The following PDHX variants were observed in gnomAD, a reference collection of about 807,000 sequenced individuals.
The protein encoded by PDHX is pyruvate dehydrogenase protein X component, mitochondrial.
In PDHX, 33 loss-of-function variants were observed where a neutral mutation model predicts 55.3. The ratio of observed to expected loss-of-function variants is 0.60; its 90% CI spans 0.45 to 0.80. The LOEUF (loss-of-function observed/expected upper bound fraction) is 0.80, where lower values mean the gene tolerates loss of function less well. Among genes scored for constraint, PDHX ranks in the 30% least tolerant of loss-of-function variants. The probability of loss-of-function intolerance (pLI) is 0.00; values close to 1 mark genes in which losing one functional copy is unlikely to be tolerated. For missense variants in PDHX, 622 were observed against 619.9 expected (o/e 1.00, Z -0.04); for synonymous variants, 226 against 219.4 (o/e 1.03, Z -0.27).
intron 7 of PDHX, 89 bp downstream of exon 7, chr11:34,970,375 A>G: frequency 1.9e-6 from 2 of 1,071,928 alleles, no homozygotes; most frequent in Admixed American, 4.0e-5. Context: ...TAAAAGCTAC[A>G]TTGTGTAGCT....
intron 1 of PDHX, among the ~76,000 whole-genome samples, chr11:34,919,738 G>A (rs1255182669): frequency 1.3e-5 from 2 of 152,204 alleles, no homozygotes; most frequent in Admixed American, 1.3e-4. Context: ...TGAGAATGCA[G>A]AGACTATCTT....
chr11:34,954,027 G>T (rs542706657), intron 3 of PDHX, among the ~76,000 whole-genome samples: 5 of 152,168 alleles, frequency 3.3e-5, no homozygotes, highest in African/African-American at 9.6e-5. Flanking sequence ...AAAGTTCATT[G>T]TTCATATAAG....
At chr11:34,984,938 A>T in intron 9 of PDHX, 1 of 515,712 alleles carries the variant, frequency 1.9e-6, no homozygotes, top group Non-Finnish European at 3.4e-6. Context: ...AATATTCAAA[A>T]ATTAAGAGAT....
Position 34,951,261 on chromosome 11 carries a change from G to C in PDHX, c.342+3655G>C, listed in dbSNP as rs980180863. On this transcript the variant is annotated intron_variant, in intron 3 of 10. Coordinates refer to ENST00000227868, the MANE Select transcript of PDHX (RefSeq NM_003477.3). ...TTTTTAGTAGAGACGGGGTTTCACC[G>C]TGTTAGCCAGGATGGTCTCGATCTC... Among the ~76,000 whole-genome samples the C allele has an allele frequency of 1.5e-4, 23 of 151,776 alleles. No homozygotes were observed. The South Asian group carries it at 1.9e-3, about 12-fold the overall frequency.
chr11:34,974,783 C>T (rs1276540018), intron 7 of PDHX, among the ~76,000 whole-genome samples: 2 of 152,142 alleles, frequency 1.3e-5, no homozygotes, highest in African/African-American at 4.8e-5. Context: ...TGGCATATGC[C>T]TGTAGTCCCA....
chr11:34,916,326 G>A, upstream of PDHX: 1 of 1,606,172 alleles, frequency 6.2e-7, no homozygotes, highest in Non-Finnish European at 8.5e-7. Context: ...TCTCCGCACG[G>A]CTTTGCGCGC....
At chr11:34,993,881 A>G (rs1564936386) in intron 10 of PDHX, among the ~76,000 whole-genome samples, 1 of 152,224 alleles carries the variant, frequency 6.6e-6, no homozygotes, top group Non-Finnish European at 1.5e-5. Flanking sequence ...ATATGGTAGA[A>G]ACCATTGTGT....
chr11:34,970,272 A>G lies in PDHX; in HGVS notation c.950A>G (p.Gln317Arg). 1 of 1,613,660 alleles carries G rather than the reference A, an allele frequency of 6.2e-7. No homozygotes were observed. Among genetic ancestry groups the G allele is most frequent in the Non-Finnish European group, 8.5e-7 (1 of 1,179,600 alleles). The change falls in exon 7 of 11, where the codon CAA becomes CGA. Residue 317 changes from glutamine (Q) to arginine (R), a missense_variant. Coordinates refer to ENST00000227868, the MANE Select transcript of PDHX (RefSeq NM_003477.3). ...CDLGAVLKVRQDLVKDDIKVS... is the reference protein window; with the variant it reads ...CDLGAVLKVRRDLVKDDIKVS... ...CTTGGAGCTGTTTTAAAAGTTAGGC[A>G]AGATCTGGTCAAAGGTTAGTAAAAT... is the stretch of plus-strand genomic sequence containing the variant.
intron 2 of PDHX, among the ~76,000 whole-genome samples, chr11:34,945,569 T>TG (rs1479341143): frequency 1.6e-4 from 25 of 152,342 alleles, no homozygotes; most frequent in African/African-American, 5.8e-4. Context: ...TGACCTCTGT[T>TG]GCAGCTGCTG....
rs1431578010 is a variant in PDHX, at chr11:34,995,642, C to G, written c.*470C>G. ...TTTTACAAGCACTGCTCTAGATATA[C>G]TTGAAGAATTTAATAGGTACAGAAG... On this transcript the variant is annotated 3_prime_UTR_variant, in exon 11 of 11. Coordinates refer to ENST00000227868, the MANE Select transcript of PDHX (RefSeq NM_003477.3). 1 of 205,052 alleles carries G rather than the reference C, an allele frequency of 4.9e-6. No homozygotes were observed. The highest frequency in any genetic ancestry group is 1.3e-4 in the East Asian group (1 of 7,648). The allele number at this position is 205,052 out of a possible 1,614,324, so 12.7% of individuals were successfully genotyped here. A position where few individuals can be genotyped will look rare whatever the true frequency, so the allele number is the denominator to read the frequency against.
At chr11:34,981,630 G>A (rs1339921304) in intron 8 of PDHX, among the ~76,000 whole-genome samples, 3 of 152,052 alleles carry the variant, frequency 2.0e-5, no homozygotes, top group African/African-American at 4.8e-5. Context: ...GTGTAAAAGT[G>A]TTCCTATTTC....
In PDHX at chr11:34,996,062, TA is replaced by T. The variant is rs1855851904; in HGVS notation, c.*893del. 6.6e-6 allele frequency: 1 copy of T among 152,162 alleles called. No homozygotes were observed. The highest frequency in any genetic ancestry group is 1.5e-5 in the Non-Finnish European group (1 of 67,998). The allele number at this position is 152,162 out of a possible 1,614,324, so 9.4% of individuals were successfully genotyped here. ...TTGTGCAGTAAAATGTGAGAAAATA[TA>T]AACATTTCTATTGTATTTTAAATGT... On this transcript the variant is annotated 3_prime_UTR_variant, in exon 11 of 11. Coordinates refer to ENST00000227868, the MANE Select transcript of PDHX (RefSeq NM_003477.3).
In PDHX at chr11:34,967,234, T is replaced by A. The variant is rs376951586; in HGVS notation, c.816+420T>A. ...GTTTTAAGAGTAGATTTAAAACAGA[T>A]TAGTTTTATTAATCCGTTTCAATAG... On this transcript the variant is annotated intron_variant, in intron 6 of 10. Transcript: ENST00000227868. Among the ~76,000 whole-genome samples, 367 of 152,346 alleles carry A rather than the reference T, an allele frequency of 2.4e-3. 13 individuals are homozygous for A. The South Asian group carries it at 0.074, about 31-fold the overall frequency.
At position 34,995,518 on chromosome 11, in the gene PDHX, A is replaced by C; in HGVS notation, c.*346A>C. The C allele has an allele frequency of 3.1e-6, 1 of 318,756 alleles. No individual in the cohort carries two copies. Among genetic ancestry groups the C allele is most frequent in the Non-Finnish European group, 6.1e-6 (1 of 165,002 alleles). The allele number at this position is 318,756 out of a possible 1,614,324, so 19.7% of individuals were successfully genotyped here. On this transcript the variant is annotated 3_prime_UTR_variant, in exon 11 of 11. Transcript: ENST00000227868. Reference sequence around the variant, plus strand: ...TGGAATATTTGAGAATGTATGATACATGTAAAATTAAAAAAACTATTAGAA... The same window carrying C: ...TGGAATATTTGAGAATGTATGATACCTGTAAAATTAAAAAAACTATTAGAA...
chr11:34,933,461 G>T (rs1854225479), intron 2 of PDHX, among the ~76,000 whole-genome samples: 2 of 152,166 alleles, frequency 1.3e-5, no homozygotes, highest in African/African-American at 4.8e-5. Flanking sequence ...TATTTTATGG[G>T]ATAAAGCAAA....
At chr11:34,946,881 T>C (rs192713661) in intron 2 of PDHX, among the ~76,000 whole-genome samples, 15 of 152,342 alleles carry the variant, frequency 9.8e-5, no homozygotes, top group African/African-American at 3.6e-4. Flanking sequence ...CCCTGTTTGC[T>C]CCAAACCTGC....
chr11:34,962,378 T>A (rs750671379), intron 5 of PDHX, among the ~76,000 whole-genome samples: 1 of 152,080 alleles, frequency 6.6e-6, no homozygotes, highest in South Asian at 2.1e-4. Flanking sequence ...TAGGCCAGAG[T>A]AGCAACAAGT....
chr11:34,973,567 C>A (rs142579542), intron 7 of PDHX, among the ~76,000 whole-genome samples: 1 of 152,050 alleles, frequency 6.6e-6, no homozygotes, highest in African/African-American at 2.4e-5. Flanking sequence ...TTCTTACCTG[C>A]TTTGCAATGG....
At chr11:34,975,767 A>G (rs75228701) in intron 7 of PDHX, among the ~76,000 whole-genome samples, 15,330 of 152,090 alleles carry the variant, frequency 0.1, 1,616 homozygotes, top group African/African-American at 0.27. Context: ...CTCCCTAATG[A>G]GCTCAAGAAA....
Sources: gnomAD v4.1 joint callset for allele counts (sites outside exome capture counted in the v4.1 genomes callset) on GRCh38, gnomAD v4.1.1 for gene constraint, MANE v1.5 for transcripts, NCBI Gene and HGNC (gene_info 2026-07-23, HGNC 2026-07-21) for gene names.